Variants in FAM120B observed in about 807,000 individuals in gnomAD.
FAM120B encodes the protein constitutive coactivator of peroxisome proliferator-activated receptor gamma.
In FAM120B, 83 loss-of-function variants were observed where a neutral mutation model predicts 96.3. The ratio of observed to expected loss-of-function variants is 0.86; its 90% CI spans 0.72 to 1.03. The LOEUF is 1.03. Ranked by LOEUF, FAM120B falls within the 50% of genes least tolerant of loss-of-function variation. The pLI is 0.00. For missense variants in FAM120B, 1,027 were observed against 1,121.2 expected, an observed-to-expected ratio of 0.92 and a Z score of 1.20; for synonymous variants, 407 against 402.7, an observed-to-expected ratio of 1.01 and a Z score of -0.13.
intron 1 of FAM120B, among the ~76,000 whole-genome samples, chr6:170,313,781 A>G (rs1466049826): frequency 6.6e-6 from 1 of 152,140 alleles, no homozygotes; most frequent in African/African-American, 2.4e-5. Flanking sequence ...TGCCTGAGTT[A>G]TGTCTTTTAG....
chr6:170,405,368 A>C lies in FAM120B; in HGVS notation c.*617A>C, dbSNP rs1279942424. 1 of 152,220 alleles carries C rather than the reference A, an allele frequency of 6.6e-6. No homozygotes were observed. The highest frequency in any genetic ancestry group is 1.5e-5 in the Non-Finnish European group (1 of 68,042). 9.4% of individuals were successfully genotyped at this position (152,220 alleles called of 1,614,324 possible). A position where few individuals can be genotyped will look rare whatever the true frequency, so the allele number is the denominator to read the frequency against. On this transcript the variant is annotated 3_prime_UTR_variant, in exon 11 of 11. Coordinates refer to ENST00000476287, the MANE Select transcript of FAM120B (RefSeq NM_032448.3). Reference sequence around the variant, plus strand: ...TCTGTCAAAATATCGTGCTGTAATCACCCTTCTTGCTATCTGAAAACCAAG... The same window carrying C: ...TCTGTCAAAATATCGTGCTGTAATCCCCCTTCTTGCTATCTGAAAACCAAG...
chr6:170,380,127 A>C (rs1019283286), intron 6 of FAM120B, among the ~76,000 whole-genome samples: 1 of 152,072 alleles, frequency 6.6e-6, no homozygotes, highest in Non-Finnish European at 1.5e-5. Context: ...GACTTATTTC[A>C]CTTAACATAG....
Position 170,317,708 on chromosome 6 carries a change from C to T in FAM120B, c.318C>T (p.Leu106=). Residue 106 remains leucine (L), a synonymous_variant, in exon 2 of 11, where the codon CTC becomes CTT. Transcript: ENST00000476287. ...GAGATGAATGGGTGAAACGAAGGCT[C>T]AAGAACAACAGGGAGATATCCAGGA... ...DKRDEWVKRR[L]KNNREISRIF... is the part of the protein sequence containing the mutation. 1 of 1,614,168 alleles carries T rather than the reference C, an allele frequency of 6.2e-7. No homozygotes were observed. Among genetic ancestry groups the T allele is most frequent in the Non-Finnish European group, 8.5e-7 (1 of 1,180,026 alleles).
chr6:170,318,264 C>A lies in FAM120B; in HGVS notation c.874C>A (p.Pro292Thr). Reference sequence around the variant, plus strand: ...ATTAGAAGAGATATTACCTCTGGGACCAAACAAAGCTCTTTTTTATAAAGG... The same window carrying A: ...ATTAGAAGAGATATTACCTCTGGGAACAAACAAAGCTCTTTTTTATAAAGG... ...KKLEEILPLG[P>T]NKALFYKGMA... is the part of the protein sequence containing the mutation. The change falls in exon 2 of 11, where the codon CCA becomes ACA. Residue 292 changes from proline to threonine, a missense_variant. By Grantham distance (38) the Pro-to-Thr change is conservative. Coordinates refer to ENST00000476287, the MANE Select transcript of FAM120B (RefSeq NM_032448.3). The A allele has an allele frequency of 1.2e-6, 2 of 1,614,062 alleles. No homozygotes were observed. Among genetic ancestry groups the A allele is most frequent in the South Asian group, 1.1e-5 (1 of 91,062 alleles).
chr6:170,336,624 G>T (rs574658149), intron 4 of FAM120B, among the ~76,000 whole-genome samples: 6 of 152,338 alleles, frequency 3.9e-5, no homozygotes, highest in Admixed American at 1.3e-4. Flanking sequence ...ACTTTGGGCA[G>T]TATGGCCATT....
chr6:170,337,966 CA>C (rs34223045), intron 4 of FAM120B, among the ~76,000 whole-genome samples: 5 of 150,306 alleles, frequency 3.3e-5, no homozygotes, highest in Non-Finnish European at 7.4e-5. Context: ...TTAATCTTTT[CA>C]AAAAAAAACC....
In FAM120B at chr6:170,328,377, T is replaced by C. The variant is rs189465109; in HGVS notation, c.1916-2072T>C. ...CAGAAATGTGTGTGCAGTCCATCAC[T>C]AACCAAATCATGGTTTATGCAGTAC... is the stretch of plus-strand genomic sequence containing the variant. On this transcript the variant is annotated intron_variant, in intron 3 of 10. Transcript: ENST00000476287. 1.3e-3 allele frequency among the ~76,000 whole-genome samples: 198 copies of C among 152,360 alleles called. 1 individual carries two copies. Among genetic ancestry groups the C allele is most frequent in the Admixed American group, 3.2e-3 (49 of 15,308 alleles).
chr6:170,361,196 G>T (rs202232452), intron 6 of FAM120B, among the ~76,000 whole-genome samples: 2 of 29,738 alleles, frequency 6.7e-5, no homozygotes, highest in Non-Finnish European at 6.1e-5. Context: ...ATATATATAC[G>T]TGTATATATA....
At chr6:170,398,076 A>G (rs1220282890) in intron 9 of FAM120B, among the ~76,000 whole-genome samples, 1 of 152,240 alleles carries the variant, frequency 6.6e-6, no homozygotes, top group African/African-American at 2.4e-5. Context: ...GATGGGAAAG[A>G]GGCTACGGGT....
intron 9 of FAM120B, 142 bp from the exon 10 acceptor site, chr6:170,404,408 G>A: frequency 1.5e-6 from 1 of 648,076 alleles, no homozygotes; most frequent in Non-Finnish European, 2.6e-6. Flanking sequence ...ATGGCATGTG[G>A]CCACAACTGT....
chr6:170,300,208 A>G (rs979749925), intron 1 of FAM120B, among the ~76,000 whole-genome samples: 32 of 152,220 alleles, frequency 2.1e-4, no homozygotes, highest in African/African-American at 7.7e-4. Flanking sequence ...AGGAAACCTT[A>G]CAATCATGGC....
chr6:170,384,208 G>A lies in FAM120B; in HGVS notation c.2284-4079G>A, dbSNP rs1419930184. ...TGGCAGGGGCTACACAAACCCACCA[G>A]GTTTTGAAATTGCCTAGAACCTGAA... On this transcript the variant is annotated intron_variant, in intron 6 of 10. Transcript: ENST00000476287. Among the ~76,000 whole-genome samples the A allele has an allele frequency of 1.3e-5, 2 of 152,148 alleles. 1 individual carries two copies. The highest frequency in any genetic ancestry group is 4.1e-4 in the South Asian group (2 of 4,824).
chr6:170,347,871 GA>G (rs1452415465), intron 4 of FAM120B, among the ~76,000 whole-genome samples: 1 of 152,142 alleles, frequency 6.6e-6, no homozygotes, highest in Non-Finnish European at 1.5e-5. Flanking sequence ...CAGCGCATTT[GA>G]AAGATGTTCT....
At chr6:170,360,232 T>C (rs1411559210) in intron 6 of FAM120B, among the ~76,000 whole-genome samples, 1 of 152,216 alleles carries the variant, frequency 6.6e-6, no homozygotes, top group Non-Finnish European at 1.5e-5. Flanking sequence ...AGCAGGTTCT[T>C]AAGGACATAC....
chr6:170,318,023 CTG>C lies in FAM120B; in HGVS notation c.636_637del (p.Cys212Ter). 2 of 1,614,060 alleles carry C rather than the reference CTG, an allele frequency of 1.2e-6. No individual in the cohort carries two copies. Among genetic ancestry groups the C allele is most frequent in the Non-Finnish European group, 1.7e-6 (2 of 1,179,958 alleles). On this transcript the variant is annotated frameshift_variant, in exon 2 of 11. Transcript: ENST00000476287. LOFTEE classifies it high-confidence loss of function. Reference sequence around the variant, plus strand: ...CCGTCATGCTCTGCAGAGAGAAGCTCTGTGAGAGTCTGGGCCTCTGTGTGGCC... The same window carrying C: ...CCGTCATGCTCTGCAGAGAGAAGCTCTGAGAGTCTGGGCCTCTGTGTGGCC... The part of the protein sequence containing the change: ...DTVMLCREKL[C>X]ESLGLCVADL...
Position 170,348,306 on chromosome 6 carries a change from A to G in FAM120B, c.2173A>G (p.Ile725Val). Residue 725 changes from isoleucine (I) to valine (V), a missense_variant, in exon 5 of 11, where the codon ATC (isoleucine) becomes GTC (valine). Transcript: ENST00000476287. ...ATTTCAAGCTTTGTGCTGCCTCTTG[A>G]TCTACCTCTTTGTCCAGGTAATGTC... ...SPFQALCCLLIYLFVQVDTLC... is the reference protein window; with the variant it reads ...SPFQALCCLLVYLFVQVDTLC... The G allele has an allele frequency of 6.2e-7, 1 of 1,613,078 alleles. No individual in the cohort carries two copies. The highest frequency in any genetic ancestry group is 8.5e-7 in the Non-Finnish European group (1 of 1,179,828).
At position 170,295,443 on chromosome 6, in the gene FAM120B, G is replaced by T; in HGVS notation, c.38G>T (p.Gly13Val). The T allele has an allele frequency of 1.4e-6, 1 of 701,718 alleles. No individual in the cohort carries two copies. Among genetic ancestry groups the T allele is most frequent in the South Asian group, 1.5e-5 (1 of 67,454 alleles). 43.5% of individuals were successfully genotyped at this position (701,718 alleles called of 1,614,324 possible). A position where few individuals can be genotyped will look rare whatever the true frequency, so the allele number is the denominator to read the frequency against. ...CGAGGCTCCACCAGCGCTGGCGCAG[G>T]CAGGAAGGAGGTGAGCGCCGCCCGC... is the stretch of plus-strand genomic sequence containing the variant. The change falls in exon 1 of 11, where the codon GGC becomes GTC. Residue 13 changes from glycine (G) to valine (V), a missense_variant. Physicochemically the swap from Gly to Val is moderately radical, Grantham distance 109 (BLOSUM62 -3). Transcript: ENST00000537664. This position sits in a 1 kb window ranked among gnomAD's most constrained non-coding sequence, Gnocchi z 7.8.
chr6:170,313,138 C>T (rs1199677235), intron 1 of FAM120B, among the ~76,000 whole-genome samples: 4 of 152,168 alleles, frequency 2.6e-5, no homozygotes, highest in Non-Finnish European at 5.9e-5. Flanking sequence ...TTAACTGGCA[C>T]CCACCCTTAT....
intron 1 of FAM120B, among the ~76,000 whole-genome samples, chr6:170,307,530 A>G (rs1316811346): frequency 6.6e-6 from 1 of 152,232 alleles, no homozygotes; most frequent in Non-Finnish European, 1.5e-5. Flanking sequence ...TTGGGAGATG[A>G]ACGAGAGTTG....
Sources: gnomAD v4.1 joint callset for allele counts (sites outside exome capture counted in the v4.1 genomes callset) on GRCh38, gnomAD v4.1.1 for gene constraint, Gnocchi (gnomAD v3.1) non-coding constraint, MANE v1.5 for transcripts, NCBI Gene and HGNC (gene_info 2026-07-23, HGNC 2026-07-21) for gene names.